KALRN: variants seen among roughly 807,000 people sequenced by gnomAD.
KALRN encodes the protein kalirin RhoGEF kinase.
In KALRN, 70 loss-of-function variants were observed where a neutral mutation model predicts 353.7. The ratio of observed to expected loss-of-function variants is 0.20; its 90% CI spans 0.16 to 0.24. KALRN has a LOEUF of 0.24. Ranked by LOEUF, KALRN falls within the 10% of genes least tolerant of loss-of-function variation. The probability of loss-of-function intolerance (pLI) is 1.00; values close to 1 mark genes in which losing one functional copy is unlikely to be tolerated. For missense variants in KALRN, 2,791 were observed against 3,756.7 expected (o/e 0.74, Z 6.72); for synonymous variants, 1,391 against 1,434.8 (o/e 0.97, Z 0.69).
intron 10 of KALRN, among the ~76,000 whole-genome samples, chr3:124,348,746 CT>C (rs1456843835): frequency 6.6e-6 from 1 of 152,132 alleles, no homozygotes; most frequent in African/African-American, 2.4e-5. Context: ...TTGAGACAGT[CT>C]CGCTCTGTTG....
intron 51 of KALRN, among the ~76,000 whole-genome samples, chr3:124,691,267 A>G (rs1330176800): frequency 1.3e-5 from 2 of 152,100 alleles, no homozygotes; most frequent in African/African-American, 2.4e-5. Context: ...CGTCTCTACT[A>G]AAAATACAGA....
chr3:124,329,335 G>A (rs2080262434), intron 7 of KALRN, among the ~76,000 whole-genome samples: 1 of 152,164 alleles, frequency 6.6e-6, no homozygotes, highest in Admixed American at 6.5e-5. Flanking sequence ...GACCTGTTGA[G>A]GGCAGTTTCC....
At chr3:124,046,981 A>G (rs1349704800) in intron 1 of KALRN, among the ~76,000 whole-genome samples, 2 of 134,706 alleles carry the variant, frequency 1.5e-5, no homozygotes, top group African/African-American at 5.5e-5. Context: ...AAGGAAATGT[A>G]TCTTTTTTTT....
chr3:124,450,563 C>A (rs1577035161), intron 21 of KALRN, among the ~76,000 whole-genome samples: 1 of 138,030 alleles, frequency 7.2e-6, no homozygotes, highest in African/African-American at 2.6e-5. Flanking sequence ...TTCTGAGACT[C>A]TTTTTTTTTT....
At chr3:124,444,797 CA>C (rs11370484) in intron 19 of KALRN, among the ~76,000 whole-genome samples, 76 of 101,870 alleles carry the variant, frequency 7.5e-4, no homozygotes, top group Middle Eastern at 0.01. Context: ...AAGACCCTGT[CA>C]AAAAAAAAAA....
intron 5 of KALRN, among the ~76,000 whole-genome samples, chr3:124,276,945 A>G (rs1434816625): frequency 1.3e-5 from 2 of 152,188 alleles, no homozygotes; most frequent in Non-Finnish European, 2.9e-5. Flanking sequence ...ACGCACGCAC[A>G]CATGTGCGCA....
At chr3:124,562,439 A>G (rs953605311) in intron 33 of KALRN, among the ~76,000 whole-genome samples, 2 of 152,114 alleles carry the variant, frequency 1.3e-5, no homozygotes, top group African/African-American at 2.4e-5. Flanking sequence ...CACAGGGTAG[A>G]ACCCTTGGAA....
chr3:124,531,090 A>T (rs1339085160), intron 33 of KALRN, among the ~76,000 whole-genome samples: 1 of 152,210 alleles, frequency 6.6e-6, no homozygotes, highest in East Asian at 1.9e-4. Context: ...CATCCCAGAC[A>T]GAAAGATAAT....
chr3:124,612,288 C>T (rs2078080204), intron 34 of KALRN, among the ~76,000 whole-genome samples: 1 of 152,210 alleles, frequency 6.6e-6, no homozygotes, highest in Admixed American at 6.5e-5. Flanking sequence ...ACCACAACCT[C>T]TGCCTCCCGG....
rs569735023 is a variant in KALRN, at chr3:124,351,356, A to G, written c.1770+4091A>G. Among the ~76,000 whole-genome samples, 12 of 152,274 alleles carry G rather than the reference A, an allele frequency of 7.9e-5. No homozygotes were observed. In the East Asian group the frequency reaches 1.5e-3, roughly 20 times the overall value. On this transcript the variant is annotated intron_variant, in intron 10 of 59. Transcript: ENST00000682506. ...AGGAGCCTGGGGTAACTTATAAGCA[A>G]TACTCTAAAGGATCATGATTCTGTG...
At chr3:124,225,979 A>AT (rs765591818) in intron 1 of KALRN, among the ~76,000 whole-genome samples, 13 of 152,160 alleles carry the variant, frequency 8.5e-5, no homozygotes, top group East Asian at 5.8e-4. Context: ...TTTATATTAC[A>AT]TTTTTTTCTA....
chr3:124,189,812 G>A (rs768824251), intron 1 of KALRN, among the ~76,000 whole-genome samples: 15 of 151,974 alleles, frequency 9.9e-5, no homozygotes, highest in Non-Finnish European at 1.6e-4. Flanking sequence ...GGTGGCATGC[G>A]CCTGTAATCC....
At chr3:124,482,767 A>C (rs1294077512) in intron 27 of KALRN, 41 bp from the exon 28 acceptor site, 1 of 1,318,810 alleles carries the variant, frequency 7.6e-7, no homozygotes, top group Non-Finnish European at 1.1e-6. Context: ...ACATGCACAC[A>C]CCCCTCTGTG....
chr3:124,286,181 T>C (rs559472562), intron 5 of KALRN, among the ~76,000 whole-genome samples: 81 of 147,830 alleles, frequency 5.5e-4, no homozygotes, highest in African/African-American at 9.2e-4. Flanking sequence ...TCTTTCTCTT[T>C]CTTCCTTCCT....
chr3:124,129,361 CT>C (rs2065029867), intron 1 of KALRN, among the ~76,000 whole-genome samples: 1 of 152,152 alleles, frequency 6.6e-6, no homozygotes, highest in Non-Finnish European at 1.5e-5. Flanking sequence ...GTCCTGTCTG[CT>C]TTAAGGATCA....
intron 1 of KALRN, among the ~76,000 whole-genome samples, chr3:124,126,774 C>T (rs994932743): frequency 6.6e-6 from 1 of 152,204 alleles, no homozygotes; most frequent in Non-Finnish European, 1.5e-5. Context: ...TTCATCTACT[C>T]CATATGTTCA....
chr3:124,143,082 G>A (rs2066836442), intron 1 of KALRN, among the ~76,000 whole-genome samples: 1 of 151,976 alleles, frequency 6.6e-6, no homozygotes, highest in African/African-American at 2.4e-5. Context: ...TCTATTGGAT[G>A]ATTAATGAAT....
At chr3:124,706,428 C>T (rs1193503723) in intron 57 of KALRN, among the ~76,000 whole-genome samples, 3 of 152,210 alleles carry the variant, frequency 2.0e-5, no homozygotes, top group Non-Finnish European at 4.4e-5. Context: ...TCTCTGGGAA[C>T]TCTAACCAGC....
Position 124,699,928 on chromosome 3 carries a change from G to C in KALRN, c.7891G>C (p.Asp2631His). 1 of 1,614,214 alleles carries C rather than the reference G, an allele frequency of 6.2e-7. No homozygotes were observed. The highest frequency in any genetic ancestry group is 2.2e-5 in the East Asian group (1 of 44,884). ...STLDTYLVIE[D>H]LSPGCPYQFR... ...CTTGGACACTTACCTCGTCATCGAAGACCTTAGTCCCGGGTGTCCTTATCA... is the reference window on the plus strand; with the variant it reads ...CTTGGACACTTACCTCGTCATCGAACACCTTAGTCCCGGGTGTCCTTATCA... Residue 2631 changes from aspartate to histidine, a missense_variant, in exon 56 of 60, where the codon GAC becomes CAC. This residue lies in a region of KALRN where 1,065 missense variants were observed against 1,156.4 expected (regional missense o/e 0.92). Transcript: ENST00000682506.
Sources: allele counts gnomAD v4.1 joint callset (sites outside exome capture counted in the v4.1 genomes callset), GRCh38; gene constraint gnomAD v4.1.1; regional missense constraint gnomAD v4.1.1; transcripts MANE v1.5; gene names NCBI Gene and HGNC (gene_info 2026-07-23, HGNC 2026-07-21).